MACF1: variants seen among roughly 807,000 people sequenced by gnomAD.
MACF1 encodes the protein microtubule-actin cross-linking factor 1.
In MACF1, 193 loss-of-function variants were observed where a neutral mutation model predicts 854.8. The ratio of observed to expected loss-of-function variants is 0.23; its 90% CI spans 0.20 to 0.25. The LOEUF is 0.25. MACF1 is among the 10% of genes least tolerant of loss of function. The probability of loss-of-function intolerance (pLI) is 1.00; values close to 1 mark genes in which losing one functional copy is unlikely to be tolerated. For synonymous variants in MACF1, 3,185 were observed against 3,226.7 expected, an observed-to-expected ratio of 0.99 and a Z score of 0.44; for missense variants, 7,722 against 8,929.1, an observed-to-expected ratio of 0.86 and a Z score of 5.45.
At chr1:39,368,061 T>G in intron 49 of MACF1, 87 bp from the exon 50 acceptor site, 1 of 1,032,154 alleles carries the variant, frequency 9.7e-7, no homozygotes, top group Non-Finnish European at 1.4e-6. Context: ...GCATTTGACC[T>G]GGCAAGCATA....
At chr1:39,426,172 T>C (rs1643720146) in intron 61 of MACF1, among the ~76,000 whole-genome samples, 1 of 152,230 alleles carries the variant, frequency 6.6e-6, no homozygotes, top group African/African-American at 2.4e-5. Context: ...GTTGCATTAC[T>C]TGAAGATATA....
intron 6 of MACF1, among the ~76,000 whole-genome samples, chr1:39,263,185 G>A (rs1645185355): frequency 6.6e-6 from 1 of 152,100 alleles, no homozygotes; most frequent in Non-Finnish European, 1.5e-5. Flanking sequence ...TGTGTTATTG[G>A]TGTTAATGAA....
At chr1:39,097,413 G>T (rs1323148313) in intron 2 of MACF1, among the ~76,000 whole-genome samples, 1 of 152,090 alleles carries the variant, frequency 6.6e-6, no homozygotes, top group Non-Finnish European at 1.5e-5. Flanking sequence ...GTTGCAATAG[G>T]ATTCAGGTCC....
intron 2 of MACF1, among the ~76,000 whole-genome samples, chr1:39,233,391 C>T (rs1644808248): frequency 6.6e-6 from 1 of 152,072 alleles, no homozygotes; most frequent in Non-Finnish European, 1.5e-5. Context: ...TTCTGTGTGC[C>T]TCCTATATTC....
In MACF1 at chr1:39,332,011, T is replaced by C. The variant is rs763798972; in HGVS notation, c.5423T>C (p.Leu1808Pro). 1 of 1,613,876 alleles carries C rather than the reference T, an allele frequency of 6.2e-7. No homozygotes were observed. The highest frequency in any genetic ancestry group is 8.5e-7 in the Non-Finnish European group (1 of 1,179,972). The change falls in exon 37 of 101, where the codon CTT (leucine) becomes CCT (proline). Residue 1808 changes from leucine (L) to proline (P), a missense_variant. Coordinates refer to ENST00000564288, the MANE Select transcript of MACF1 (RefSeq NM_001394062.1). ...GCCTGTGCTATCCTCATAAGGCAGC[T>C]TCAGACAGGAGGCATCATAGACACT... ...DMACAILIRQ[L>P]QTGGIIDTVT... is the part of the protein sequence containing the mutation.
At chr1:39,452,556 A>G (rs560714337) in intron 86 of MACF1, 128 bp from the exon 87 acceptor site, 31 of 1,249,340 alleles carry the variant, frequency 2.5e-5, no homozygotes, top group Non-Finnish European at 3.5e-5. Context: ...ATGAAAGATA[A>G]CCTTTGTGGA....
intron 72 of MACF1, 28 bp downstream of exon 72, chr1:39,439,528 T>C: frequency 6.4e-7 from 1 of 1,568,848 alleles, no homozygotes. Flanking sequence ...CCCTTTTTCT[T>C]AGGTGTCTGT....
At position 39,486,003 on chromosome 1, in the gene MACF1, A is replaced by C. The variant is rs1375267303; in HGVS notation, c.*209A>C. 1 of 414,490 alleles carries C rather than the reference A, an allele frequency of 2.4e-6. No individual in the cohort carries two copies. The allele number at this position is 414,490 out of a possible 1,614,324, so 25.7% of individuals were successfully genotyped here. On this transcript the variant is annotated 3_prime_UTR_variant, in exon 101 of 101. Transcript: ENST00000564288. ...AAATTTGCCTCCTGGTAACCCTGTA[A>C]TGGATGGGGCCCAGAAATGAAATAT...
rs144730297 is a variant in MACF1 at position 39,447,673 on chromosome 1, A to G, written c.19762-19A>G. The G allele has an allele frequency of 4.0e-5, 65 of 1,613,936 alleles. No individual in the cohort carries two copies. The African/African-American group carries it at 7.2e-4, about 18-fold the overall frequency. ...TTTATCTTATCTTAAGCTAAAAAAGAGCACTATTGTTCCCTCAGGTTTTTG... is the reference window on the plus strand; with the variant it reads ...TTTATCTTATCTTAAGCTAAAAAAGGGCACTATTGTTCCCTCAGGTTTTTG... On this transcript the variant is annotated intron_variant, in intron 81 of 100. Coordinates refer to ENST00000564288, the MANE Select transcript of MACF1 (RefSeq NM_001394062.1).
At position 39,324,205 on chromosome 1, in the gene MACF1, G is replaced by A. The variant is rs1646567857; in HGVS notation, c.4249G>A (p.Glu1417Lys). Residue 1417 changes from glutamate to lysine, a missense_variant, in exon 34 of 101, where the codon GAG becomes AAG. Glu to Lys is a moderately conservative substitution (Grantham distance 56, BLOSUM62 1). Coordinates refer to ENST00000564288, the MANE Select transcript of MACF1 (RefSeq NM_001394062.1). Reference sequence around the variant, plus strand: ...TTTCCTATTCTAGAAAGTGGTAGAAGAGGAGAAACAAGAACATGTGGAGAA... The same window carrying A: ...TTTCCTATTCTAGAAAGTGGTAGAAAAGGAGAAACAAGAACATGTGGAGAA... The part of the protein sequence containing the change: ...RLEEEEKVVE[E>K]EKQEHVEKVK... The A allele has an allele frequency of 6.2e-7, 1 of 1,603,770 alleles. No individual in the cohort carries two copies. Among genetic ancestry groups the A allele is most frequent in the African/African-American group, 1.3e-5 (1 of 74,296 alleles).
chr1:39,173,351 A>AAAAGAAAG (rs1553155691), intron 2 of MACF1, among the ~76,000 whole-genome samples: 35 of 126,248 alleles, frequency 2.8e-4, no homozygotes, highest in East Asian at 1.1e-3. Flanking sequence ...AAAAAAAAAA[A>AAAAGAAAG]AAAGAAAGAA....
chr1:39,285,443 C>A, intron 13 of MACF1, 53 bp downstream of exon 13: 2 of 1,585,574 alleles, frequency 1.3e-6, no homozygotes, highest in Non-Finnish European at 1.7e-6. Flanking sequence ...TCCTGCTTCT[C>A]ACCCTCTGCT....
intron 1 of MACF1, among the ~76,000 whole-genome samples, chr1:39,209,608 A>T (rs1189691853): frequency 7.0e-6 from 1 of 143,590 alleles, no homozygotes; most frequent in East Asian, 2.1e-4. Context: ...ACAGTCTAAG[A>T]TTGTATTCCA....
intron 2 of MACF1, among the ~76,000 whole-genome samples, chr1:39,126,951 G>A (rs1168194923): frequency 6.6e-6 from 1 of 152,080 alleles, no homozygotes; most frequent in Non-Finnish European, 1.5e-5. Flanking sequence ...TGTCCTGTTG[G>A]CCGGGTGCCT....
chr1:39,151,349 TC>T (rs1285267530), intron 2 of MACF1, among the ~76,000 whole-genome samples: 2 of 152,216 alleles, frequency 1.3e-5, no homozygotes, highest in African/African-American at 4.8e-5. Flanking sequence ...ATTGGTTTCC[TC>T]CCTTCCTTTT....
chr1:39,480,736 T>C (rs917962774), intron 98 of MACF1, among the ~76,000 whole-genome samples, 184 bp from the exon 99 acceptor site: 3 of 152,216 alleles, frequency 2.0e-5, no homozygotes, highest in Non-Finnish European at 2.9e-5. Context: ...TGATGGGTTA[T>C]GTGTGAATGA....
chr1:39,194,336 CTTTTCTTTTCTTTTCTT>C (rs1460373240), intron 2 of MACF1, among the ~76,000 whole-genome samples: 2 of 61,356 alleles, frequency 3.3e-5, no homozygotes, highest in Non-Finnish European at 6.6e-5. Flanking sequence ...CTTTTCTTTT[CTTTTCTTTTCTTTTCTT>C]TTTTTTTTTT....
At chr1:39,213,181 G>T (rs1004303124) in intron 1 of MACF1, among the ~76,000 whole-genome samples, 1 of 152,174 alleles carries the variant, frequency 6.6e-6, no homozygotes, top group African/African-American at 2.4e-5. Flanking sequence ...GGGATTAAAT[G>T]AAATGATATT....
chr1:39,346,254 C>T (rs1647044485), intron 40 of MACF1, among the ~76,000 whole-genome samples: 2 of 151,528 alleles, frequency 1.3e-5, no homozygotes, highest in Admixed American at 6.6e-5. Flanking sequence ...CCCAGCTACT[C>T]GAGAGGCTGA....
Sources: allele counts gnomAD v4.1 joint callset (sites outside exome capture counted in the v4.1 genomes callset), GRCh38; gene constraint gnomAD v4.1.1; transcripts MANE v1.5; gene names NCBI Gene and HGNC (gene_info 2026-07-23, HGNC 2026-07-21).